FREM3: variants seen among roughly 807,000 people sequenced by gnomAD.
The protein encoded by FREM3 is FRAS1-related extracellular matrix protein 3.
FREM3 carries 105 observed loss-of-function variants against 129.1 expected under a neutral mutation model. The ratio of observed to expected loss-of-function variants is 0.81; its 90% CI spans 0.69 to 0.96. The LOEUF (loss-of-function observed/expected upper bound fraction) is 0.96, where lower values mean the gene tolerates loss of function less well. Among genes scored for constraint, FREM3 ranks in the 40% least tolerant of loss-of-function variants. FREM3 has a pLI of 0.00. For synonymous variants in FREM3, 1,014 were observed against 1,044.9 expected (o/e 0.97, Z 0.57); for missense variants, 2,593 against 2,666.3 (o/e 0.97, Z 0.61).
chr4:143,673,813 C>T (rs541261364), intron 2 of FREM3, among the ~76,000 whole-genome samples: 27 of 152,232 alleles, frequency 1.8e-4, no homozygotes, highest in Non-Finnish European at 3.2e-4. Flanking sequence ...CCCGCAGCCT[C>T]GCTGCCATCT....
At chr4:143,689,156 C>A (rs776774725) in intron 2 of FREM3, among the ~76,000 whole-genome samples, 1 of 152,002 alleles carries the variant, frequency 6.6e-6, no homozygotes, top group Non-Finnish European at 1.5e-5. Context: ...CCAGAATTTA[C>A]GACGAACTCA....
In FREM3 at chr4:143,635,339, TTTG is replaced by T. The variant is rs1425099636; in HGVS notation, c.5276-7582_5276-7580del. ...TAATTTTCACATCAAAGCATGACAC[TTTG>T]TTATTTGCTATATTAAGCTGTTGTA... On this transcript the variant is annotated intron_variant, in intron 2 of 7. Transcript: ENST00000329798. Among the ~76,000 whole-genome samples the T allele has an allele frequency of 2.0e-5, 3 of 152,176 alleles. No homozygotes were observed. In the East Asian group the frequency reaches 5.8e-4, roughly 29 times the overall value.
rs898089693 is a variant in FREM3 at position 143,577,446 on chromosome 4, C to T, written c.*165G>A. The T allele has an allele frequency of 4.7e-5, 29 of 620,854 alleles. No individual in the cohort carries two copies. Among genetic ancestry groups the T allele is most frequent in the Middle Eastern group, 4.2e-4 (1 of 2,380 alleles). 38.5% of individuals were successfully genotyped at this position (620,854 alleles called of 1,614,324 possible). On this transcript the variant is annotated 3_prime_UTR_variant, in exon 8 of 8. Transcript: ENST00000329798. ...GTTTTCTAGGTATATATATTTCTAT[C>T]TCCATGCAGTCATATAAATTACATT...
intron 6 of FREM3, among the ~76,000 whole-genome samples, chr4:143,610,465 G>T (rs562640010): frequency 6.6e-6 from 1 of 152,076 alleles, no homozygotes; most frequent in African/African-American, 2.4e-5. Flanking sequence ...AAGCTTTGTG[G>T]TGCATCCATA....
At chr4:143,624,726 A>C (rs1221410772) in intron 3 of FREM3, among the ~76,000 whole-genome samples, 1 of 152,098 alleles carries the variant, frequency 6.6e-6, no homozygotes, top group Non-Finnish European at 1.5e-5. Flanking sequence ...CTAGAATATG[A>C]GCTCTATGGC....
intron 3 of FREM3, among the ~76,000 whole-genome samples, chr4:143,626,146 G>A (rs905919507): frequency 1.3e-5 from 2 of 152,176 alleles, no homozygotes; most frequent in African/African-American, 4.8e-5. Context: ...TGTCTGTGAT[G>A]TTGAGTAGTA....
rs1738227326 is a variant in FREM3 at position 143,585,626 on chromosome 4, T to G, written c.6178+218A>C. ...TTAATGTGAGCCCATGACAAGCCAG[T>G]GGGTAATAAATGAATCATAAAGGCT... On this transcript the variant is annotated intron_variant, in intron 7 of 7. Coordinates refer to ENST00000329798, the MANE Select transcript of FREM3 (RefSeq NM_001168235.2). The surrounding 1 kb of genome is among the most constrained non-coding windows in gnomAD (Gnocchi z 4.2). Among the ~76,000 whole-genome samples, 1 of 152,178 alleles carries G rather than the reference T, an allele frequency of 6.6e-6. No individual in the cohort carries two copies. The highest frequency in any genetic ancestry group is 2.4e-5 in the African/African-American group (1 of 41,440).
intron 6 of FREM3, among the ~76,000 whole-genome samples, chr4:143,590,239 T>C (rs546147460): frequency 6.6e-6 from 1 of 152,316 alleles, no homozygotes; most frequent in South Asian, 2.1e-4. Flanking sequence ...TTCCTTCTCC[T>C]GCCTGACTGC....
chr4:143,629,797 A>T (rs902947681), intron 2 of FREM3, among the ~76,000 whole-genome samples: 1 of 152,106 alleles, frequency 6.6e-6, no homozygotes, highest in Admixed American at 6.6e-5. Flanking sequence ...AGGCAATTTG[A>T]CCAGGTCCCC....
chr4:143,683,253 C>T (rs1293856166), intron 2 of FREM3, among the ~76,000 whole-genome samples: 3 of 152,168 alleles, frequency 2.0e-5, no homozygotes, highest in Non-Finnish European at 2.9e-5. Flanking sequence ...TCCAGATCTA[C>T]TGCAAGAACA....
intron 2 of FREM3, among the ~76,000 whole-genome samples, chr4:143,640,035 GTTTCA>G (rs1739297566): frequency 2.0e-5 from 3 of 152,264 alleles, no homozygotes; most frequent in Admixed American, 2.0e-4. Flanking sequence ...TTCTCATGCT[GTTTCA>G]CATCTCTGAA....
Position 143,697,462 on chromosome 4 carries a change from C to T in FREM3, c.3214G>A (p.Val1072Ile), listed in dbSNP as rs1740596534. ...ACAATGAAGGACTCCCCGACGAAGA[C>T]CTTGGGTCCCACATTGTCCACAGGC... ...VLPVDNVGPK[V>I]FVGESFIVYE... Residue 1072 changes from valine (V) to isoleucine (I), a missense_variant, in exon 1 of 8, where the codon GTC becomes ATC. By Grantham distance (29) the Val-to-Ile change is conservative (BLOSUM62 3). This residue lies in a region of FREM3 where 2,276 missense variants were observed against 2,267.2 expected (regional missense o/e 1.00). Coordinates refer to ENST00000329798, the MANE Select transcript of FREM3 (RefSeq NM_001168235.2). The T allele has an allele frequency of 6.5e-7, 1 of 1,537,206 alleles. No homozygotes were observed. Among genetic ancestry groups the T allele is most frequent in the South Asian group, 1.2e-5 (1 of 84,052 alleles).
chr4:143,688,705 C>T lies in FREM3; in HGVS notation c.5275+4408G>A, dbSNP rs543844104. ...TAGACCAATGGAACAGAACAGAGAA[C>T]CCATAAATAGAGCCAACTACTTCCA... On this transcript the variant is annotated intron_variant, in intron 2 of 7. Transcript: ENST00000329798. Among the ~76,000 whole-genome samples the T allele has an allele frequency of 5.7e-4, 86 of 152,198 alleles. 1 individual carries two copies. The highest frequency in any genetic ancestry group is 2.0e-3 in the African/African-American group (81 of 41,534).
At chr4:143,656,128 C>A (rs1319346805) in intron 2 of FREM3, among the ~76,000 whole-genome samples, 2 of 152,134 alleles carry the variant, frequency 1.3e-5, no homozygotes, top group Non-Finnish European at 2.9e-5. Context: ...ACAAGTAATT[C>A]ATGCATAATT....
rs1450713023 is a variant in FREM3, at chr4:143,699,143, G to A, written c.1533C>T (p.Asn511=). Residue 511 remains asparagine (N), a synonymous_variant, in exon 1 of 8, where the codon AAC becomes AAT. Transcript: ENST00000329798. This position sits in a 1 kb window ranked among gnomAD's most constrained non-coding sequence, Gnocchi z 4.2. ...GRVVYQHDGS[N]TYSDNIIFRM... is the part of the protein sequence containing the mutation. ...GGAAGATGATATTGTCACTGTAGGT[G>A]TTGCTGCCATCATGCTGATACACCA... is the stretch of plus-strand genomic sequence containing the variant. 5.9e-6 allele frequency: 9 copies of A among 1,537,414 alleles called. No individual in the cohort carries two copies. The highest frequency in any genetic ancestry group is 7.8e-6 in the Non-Finnish European group (9 of 1,146,946).
chr4:143,624,819 A>T (rs1372328938), intron 3 of FREM3, among the ~76,000 whole-genome samples: 1 of 152,190 alleles, frequency 6.6e-6, no homozygotes, highest in Non-Finnish European at 1.5e-5. Context: ...TATTCAATAC[A>T]AATTTTTGAG....
chr4:143,637,672 T>G (rs991648200), intron 2 of FREM3, among the ~76,000 whole-genome samples: 2 of 152,082 alleles, frequency 1.3e-5, no homozygotes, highest in Non-Finnish European at 2.9e-5. Flanking sequence ...ATTCTCTTCT[T>G]GAGGAACAAT....
In FREM3 at chr4:143,696,797, C is replaced by G. The variant is rs954951390; in HGVS notation, c.3879G>C (p.Arg1293Ser). 1 of 1,537,684 alleles carries G rather than the reference C, an allele frequency of 6.5e-7. No individual in the cohort carries two copies. The highest frequency in any genetic ancestry group is 8.7e-7 in the Non-Finnish European group (1 of 1,147,052). Residue 1293 changes from arginine to serine, a missense_variant, in exon 1 of 8, where the codon AGG becomes AGC. Arg to Ser is a moderately radical substitution (Grantham distance 110). Transcript: ENST00000329798. ...CTAGGGTCACTACAATGGGTACCTT[C>G]CTGTGGGTTGTGTGCTTGCCGTCAC... is the stretch of plus-strand genomic sequence containing the variant. ...WLSDGKHTTH[R>S]KVPIVVTLVD... is the part of the protein sequence containing the mutation.
At chr4:143,591,243 G>A (rs1738354921) in intron 6 of FREM3, among the ~76,000 whole-genome samples, 1 of 152,086 alleles carries the variant, frequency 6.6e-6, no homozygotes, top group African/African-American at 2.4e-5. Context: ...ATCTCCTTCA[G>A]TTCTGCTCTT....
Sources: allele counts gnomAD v4.1 joint callset (sites outside exome capture counted in the v4.1 genomes callset), GRCh38; gene constraint gnomAD v4.1.1; regional missense constraint gnomAD v4.1.1; non-coding constraint Gnocchi (gnomAD v3.1); transcripts MANE v1.5; gene names NCBI Gene and HGNC (gene_info 2026-07-23, HGNC 2026-07-21).